Variants in FCGR1A observed in about 807,000 individuals in gnomAD.
FCGR1A encodes the protein high affinity immunoglobulin gamma Fc receptor I.
A neutral mutation model predicts 35.0 loss-of-function variants in FCGR1A; 13 were observed. That is an observed-to-expected ratio of 0.37 (90% CI 0.24 to 0.59). The LOEUF (loss-of-function observed/expected upper bound fraction) is 0.59. Ranked by LOEUF, FCGR1A falls within the 20% of genes least tolerant of loss-of-function variation. The pLI is 0.71. For missense variants in FCGR1A, 227 were observed against 430.0 expected, an observed-to-expected ratio of 0.53 and a Z score of 4.17; for synonymous variants, 91 against 164.7, an observed-to-expected ratio of 0.55 and a Z score of 3.43.
chr1:149,797,594 C>T, the FCGR1A span, among the ~76,000 whole-genome samples: 1 of 152,016 alleles, frequency 6.6e-6, no homozygotes, highest in East Asian at 1.9e-4. Context: ...TTGTTGTGTT[C>T]CTTTGTTAGC....
At chr1:149,790,842 T>G (rs2091692257) in intron 5 of FCGR1A, among the ~76,000 whole-genome samples, 1 of 151,934 alleles carries the variant, frequency 6.6e-6, no homozygotes, top group Non-Finnish European at 1.5e-5. Context: ...TTTTGTAAAC[T>G]GCAAATCACC....
chr1:149,798,618 TAAAAAA>T, the FCGR1A span, among the ~76,000 whole-genome samples: 2 of 139,634 alleles, frequency 1.4e-5, no homozygotes, highest in South Asian at 2.3e-4. Context: ...AAACCGACTT[TAAAAAA>T]AAAAAAAAAA....
At chr1:149,788,924 T>C (rs1436603865) in intron 4 of FCGR1A, among the ~76,000 whole-genome samples, 10 of 151,868 alleles carry the variant, frequency 6.6e-5, no homozygotes, top group African/African-American at 2.4e-4. Context: ...ACAGACTCAC[T>C]CTAGGTAGAT....
chr1:149,785,727 G>A (rs1191959663), intron 3 of FCGR1A: 2 of 152,036 alleles, frequency 1.3e-5, no homozygotes, highest in Non-Finnish European at 2.9e-5. Flanking sequence ...AGCCATAAAT[G>A]TATGCCACAG....
the FCGR1A span, among the ~76,000 whole-genome samples, chr1:149,798,890 T>C: frequency 6.6e-6 from 1 of 151,868 alleles, no homozygotes; most frequent in Non-Finnish European, 1.5e-5. Context: ...CAGGATTACA[T>C]GTGTGACCCA....
intron 4 of FCGR1A, 50 bp from the exon 5 acceptor site, chr1:149,790,004 G>C: frequency 6.2e-7 from 1 of 1,612,994 alleles, no homozygotes; most frequent in African/African-American, 1.3e-5. Flanking sequence ...TTGTGAAAAG[G>C]ACCTGGATGC....
At chr1:149,790,381 C>G in intron 5 of FCGR1A, 43 bp downstream of exon 5, 1 of 1,556,846 alleles carries the variant, frequency 6.4e-7, no homozygotes, top group Non-Finnish European at 8.7e-7. Context: ...GAAGAAGGGA[C>G]TCCCTTATCT....
downstream of FCGR1A, chr1:149,792,829 G>A (rs1194682735): frequency 1.6e-6 from 2 of 1,278,378 alleles, no homozygotes; most frequent in African/African-American, 3.2e-5. Flanking sequence ...ACGGCGGCAG[G>A]CGGATGGAAG....
chr1:149,791,504 A>C lies in FCGR1A; in HGVS notation c.1112A>C (p.Gln371Pro), dbSNP rs2091711561. Residue 371 changes from glutamine (Q) to proline (P), a missense_variant, in exon 6 of 6, where the codon CAG (glutamine) becomes CCG (proline). Physicochemically the swap from Gln to Pro is moderately conservative, Grantham distance 76 (BLOSUM62 -1). Transcript: ENST00000369168. ...GAAGGGGTGCACCGGAAGGAGCCCC[A>C]GGGGGCCACGTAGCAGCGGCTCAGT... Reference protein sequence around the residue: ...LQEGVHRKEPQGAT With the variant: ...LQEGVHRKEPPGAT 1 of 1,609,876 alleles carries C rather than the reference A, an allele frequency of 6.2e-7. No homozygotes were observed. Among genetic ancestry groups the C allele is most frequent in the Non-Finnish European group, 8.5e-7 (1 of 1,179,448 alleles).
At chr1:149,788,717 G>A (rs587677758) in intron 4 of FCGR1A, 100 bp downstream of exon 4, 9 of 1,465,216 alleles carry the variant, frequency 6.1e-6, no homozygotes, top group African/African-American at 2.8e-5. Flanking sequence ...TGAAGAAACC[G>A]GGCTCCAGAG....
the FCGR1A span, among the ~76,000 whole-genome samples, chr1:149,799,372 A>G: frequency 4.6e-5 from 7 of 152,300 alleles, no homozygotes; most frequent in African/African-American, 1.7e-4. Context: ...TTGTTCCCAA[A>G]TTTTGTCACT....
At chr1:149,784,390 A>G in intron 3 of FCGR1A, 133 bp downstream of exon 3, 2 of 1,522,658 alleles carry the variant, frequency 1.3e-6, no homozygotes, top group South Asian at 2.4e-5. Flanking sequence ...TACCAGGTGA[A>G]ACTAAATCAG....
At chr1:149,793,391 C>T (rs1246429663), downstream of FCGR1A, among the ~76,000 whole-genome samples, 47 of 151,990 alleles carry the variant, frequency 3.1e-4, 1 homozygote, top group Non-Finnish European at 7.4e-5. Context: ...AAGAAGGCTC[C>T]AGGCTCCGCA....
At chr1:149,793,016 C>A, downstream of FCGR1A, 2 of 1,266,620 alleles carry the variant, frequency 1.6e-6, no homozygotes, top group South Asian at 2.5e-5. Context: ...TCCCTCCAAC[C>A]CCGCCCCGGG....
chr1:149,794,024 C>T (rs1317519300), downstream of FCGR1A: 1 of 713,728 alleles, frequency 1.4e-6, no homozygotes. Context: ...TAGCTGACAG[C>T]TGGCTGGGAG....
intron 5 of FCGR1A, 84 bp from the exon 6 acceptor site, chr1:149,791,153 C>T: frequency 1.2e-6 from 2 of 1,602,826 alleles, no homozygotes; most frequent in Non-Finnish European, 1.7e-6. Flanking sequence ...CAGGTCTCAG[C>T]CAACCTTCCC....
rs781973576 is a variant in FCGR1A, at chr1:149,790,163, G to C, written c.669G>C (p.Leu223Phe). Reference protein sequence around the residue: ...ETKLLLQRPGLQLYFSFYMGS... With the variant: ...ETKLLLQRPGFQLYFSFYMGS... ...AGTTGCTCTTGCAGAGGCCTGGTTT[G>C]CAGCTTTACTTCTCCTTCTACATGG... The change falls in exon 5 of 6, where the codon TTG (leucine) becomes TTC (phenylalanine). Residue 223 changes from leucine (L) to phenylalanine (F), a missense_variant. By Grantham distance (22) the Leu-to-Phe change is conservative. Transcript: ENST00000369168. 4 of 1,614,002 alleles carry C rather than the reference G, an allele frequency of 2.5e-6. No individual in the cohort carries two copies. The highest frequency in any genetic ancestry group is 3.4e-6 in the Non-Finnish European group (4 of 1,179,876).
downstream of FCGR1A, among the ~76,000 whole-genome samples, chr1:149,795,394 C>A: frequency 7.7e-6 from 1 of 129,270 alleles, no homozygotes; most frequent in Non-Finnish European, 1.6e-5. Context: ...AAGCTAAGGC[C>A]CAGAATGTGG....
chr1:149,796,910 G>C, the FCGR1A span, among the ~76,000 whole-genome samples: 1 of 151,944 alleles, frequency 6.6e-6, no homozygotes, highest in Non-Finnish European at 1.5e-5. Context: ...AGCTGTCTGG[G>C]CTTGCTTTTG....
Sources: allele counts gnomAD v4.1 joint callset (sites outside exome capture counted in the v4.1 genomes callset), GRCh38; gene constraint gnomAD v4.1.1; transcripts MANE v1.5; gene names NCBI Gene and HGNC (gene_info 2026-07-23, HGNC 2026-07-21).